The following SPMIP7 variants were observed in gnomAD, a reference collection of about 807,000 sequenced individuals.
SPMIP7 encodes the protein protein SPMIP7.
chr7:50,146,894 G>A, the SPMIP7 span, among the ~76,000 whole-genome samples: 1 of 152,266 alleles, frequency 6.6e-6, no homozygotes, highest in Non-Finnish European at 1.5e-5. Flanking sequence ...GCCTTTACTT[G>A]CATCACATCG....
the SPMIP7 span, among the ~76,000 whole-genome samples, chr7:50,124,178 T>C: frequency 1.3e-5 from 2 of 152,082 alleles, no homozygotes; most frequent in East Asian, 1.9e-4. Context: ...AGTTAATTTG[T>C]CAAGAAAACC....
the SPMIP7 span, among the ~76,000 whole-genome samples, chr7:50,110,293 G>T: frequency 2.7e-5 from 4 of 150,898 alleles, no homozygotes; most frequent in African/African-American, 9.7e-5. Context: ...GCGGCCAGAG[G>T]TGGGGGAAAA....
chr7:50,103,581 A>G, the SPMIP7 span, among the ~76,000 whole-genome samples: 1 of 152,240 alleles, frequency 6.6e-6, no homozygotes, highest in Non-Finnish European at 1.5e-5. Context: ...CTCACAGAGC[A>G]GGACTACCAT....
chr7:50,114,816 G>A, the SPMIP7 span, among the ~76,000 whole-genome samples: 2 of 152,056 alleles, frequency 1.3e-5, no homozygotes, highest in Non-Finnish European at 2.9e-5. Context: ...GACCACCTGA[G>A]GTCAGGAGTT....
At chr7:50,125,367 T>TATATACAC in the SPMIP7 span, among the ~76,000 whole-genome samples, 1 of 109,172 alleles carries the variant, frequency 9.2e-6, no homozygotes, top group Non-Finnish European at 1.8e-5. Context: ...TATATACACA[T>TATATACAC]ATATATACAC....
At chr7:50,138,725 C>T in the SPMIP7 span, among the ~76,000 whole-genome samples, 1 of 151,174 alleles carries the variant, frequency 6.6e-6, no homozygotes, top group East Asian at 1.9e-4. Context: ...ACAATTGCAC[C>T]ACTTCAATAA....
At chr7:50,125,151 CAT>C in the SPMIP7 span, among the ~76,000 whole-genome samples, 47 of 111,978 alleles carry the variant, frequency 4.2e-4, 10 homozygotes, top group Middle Eastern at 8.6e-3. Context: ...CATATACACA[CAT>C]ATATATACAC....
the SPMIP7 span, among the ~76,000 whole-genome samples, chr7:50,156,074 A>G: frequency 1.3e-5 from 2 of 152,160 alleles, no homozygotes; most frequent in African/African-American, 4.8e-5. Context: ...GTGTTCTGGC[A>G]TGAAAAAGCA....
chr7:50,113,812 C>T, the SPMIP7 span, among the ~76,000 whole-genome samples: 1 of 151,552 alleles, frequency 6.6e-6, no homozygotes, highest in African/African-American at 2.4e-5. Context: ...TCTGAAGACA[C>T]AAGATGTTCA....
chr7:50,130,506 T>G, the SPMIP7 span, among the ~76,000 whole-genome samples: 1 of 151,030 alleles, frequency 6.6e-6, no homozygotes, highest in Non-Finnish European at 1.5e-5. Flanking sequence ...CAGGTAAGGA[T>G]TATTACAATT....
the SPMIP7 span, among the ~76,000 whole-genome samples, chr7:50,102,967 A>G: frequency 1.3e-5 from 2 of 148,456 alleles, no homozygotes; most frequent in African/African-American, 4.9e-5. Flanking sequence ...CATTACTTAT[A>G]TATATATAAA....
chr7:50,096,488 G>C, the SPMIP7 span: 16 of 1,551,574 alleles, frequency 1.0e-5, no homozygotes, highest in Admixed American at 3.9e-5. Context: ...GGATTTTAGT[G>C]ATGTGAAACC....
the SPMIP7 span, chr7:50,159,020 C>T: frequency 1.3e-6 from 2 of 1,549,800 alleles, no homozygotes; most frequent in East Asian, 2.4e-5. Flanking sequence ...TCTCATTTTC[C>T]TCCTTTTTTT....
the SPMIP7 span, chr7:50,136,208 A>G: frequency 7.2e-6 from 10 of 1,380,728 alleles, no homozygotes; most frequent in African/African-American, 5.7e-5. Context: ...GTTTCTCACT[A>G]TCATGTTTTG....
At chr7:50,139,693 G>A in the SPMIP7 span, among the ~76,000 whole-genome samples, 2 of 152,164 alleles carry the variant, frequency 1.3e-5, no homozygotes, top group Non-Finnish European at 2.9e-5. Flanking sequence ...GAAGCCTCCT[G>A]TACGTAAATG....
At chr7:50,115,316 G>A in the SPMIP7 span, among the ~76,000 whole-genome samples, 1 of 151,960 alleles carries the variant, frequency 6.6e-6, no homozygotes, top group South Asian at 2.1e-4. Context: ...AATACATGAA[G>A]CACAAACTTA....
At chr7:50,100,496 C>G in the SPMIP7 span, among the ~76,000 whole-genome samples, 1 of 152,130 alleles carries the variant, frequency 6.6e-6, no homozygotes, top group Non-Finnish European at 1.5e-5. Flanking sequence ...TAAGGTCATT[C>G]CCCATAAATT....
the SPMIP7 span, among the ~76,000 whole-genome samples, chr7:50,108,945 A>G: frequency 6.6e-6 from 1 of 152,194 alleles, no homozygotes; most frequent in Non-Finnish European, 1.5e-5. Context: ...TTAGCACCTT[A>G]GACAGGTCAT....
the SPMIP7 span, among the ~76,000 whole-genome samples, chr7:50,100,368 A>C: frequency 6.6e-6 from 1 of 152,358 alleles, no homozygotes; most frequent in East Asian, 1.9e-4. Flanking sequence ...GTCAAGGTGC[A>C]GGAGCCTTTC....
Sources: allele counts gnomAD v4.1 joint callset (sites outside exome capture counted in the v4.1 genomes callset), GRCh38; gene constraint gnomAD v4.1.1; transcripts MANE v1.5; gene names NCBI Gene and HGNC (gene_info 2026-07-23, HGNC 2026-07-21).